TLK1: variants seen among roughly 807,000 people sequenced by gnomAD.
TLK1 encodes tousled like kinase 1.
Under a neutral mutation model 105.3 loss-of-function variants are expected in TLK1, and 24 were observed. That is an observed-to-expected ratio of 0.23 (90% CI 0.17 to 0.32). The LOEUF (loss-of-function observed/expected upper bound fraction) is 0.32, where lower values mean the gene tolerates loss of function less well. Among genes scored for constraint, TLK1 ranks in the 10% least tolerant of loss-of-function variants. TLK1 has a pLI of 1.00. For synonymous variants in TLK1, 321 were observed against 310.4 expected, an observed-to-expected ratio of 1.03 and a Z score of -0.36; for missense variants, 558 against 910.5, an observed-to-expected ratio of 0.61 and a Z score of 4.98.
At chr2:171,007,091 G>C in intron 14 of TLK1, 28 bp from the exon 15 acceptor site, 3 of 1,556,264 alleles carry the variant, frequency 1.9e-6, no homozygotes, top group Non-Finnish European at 1.7e-6. Flanking sequence ...AAACAATTAA[G>C]ATGAAAGACC....
chr2:171,097,370 T>C (rs952158626), intron 2 of TLK1, among the ~76,000 whole-genome samples: 8 of 152,114 alleles, frequency 5.3e-5, no homozygotes, highest in Admixed American at 1.3e-4. Flanking sequence ...TTTAAAATAT[T>C]AGAAGAAAAC....
In TLK1 at chr2:171,160,878, G is replaced by C. The variant is rs547368194; in HGVS notation, c.-450C>G. On this transcript the variant is annotated 5_prime_UTR_variant, in exon 1 of 21. Transcript: ENST00000431350. This position sits in a 1 kb window ranked among gnomAD's most constrained non-coding sequence, Gnocchi z 4.4. ...CGGGCTGTGGGTGGCGGCTGAGGCG[G>C]TGGGGTAACCTCTGCATCAGTTACA... The C allele has an allele frequency of 3.4e-6, 1 of 295,772 alleles. No homozygotes were observed. The highest frequency in any genetic ancestry group is 5.2e-5 in the Admixed American group (1 of 19,174). 18.3% of individuals were successfully genotyped at this position (295,772 alleles called of 1,614,324 possible). A position where few individuals can be genotyped will look rare whatever the true frequency, so the allele number is the denominator to read the frequency against.
chr2:170,991,458 A>C lies in TLK1; in HGVS notation c.*2322T>G, dbSNP rs150202548. On this transcript the variant is annotated 3_prime_UTR_variant, in exon 21 of 21. Transcript: ENST00000431350. ...GTCACTGGCATGTTATTCAAAATCT[A>C]TAACATTTCTTTGGGAAACTTTTAG... 1 of 152,212 alleles carries C rather than the reference A, an allele frequency of 6.6e-6. No homozygotes were observed. The highest frequency in any genetic ancestry group is 2.1e-4 in the South Asian group (1 of 4,834). 9.4% of individuals were successfully genotyped at this position (152,212 alleles called of 1,614,324 possible).
intron 1 of TLK1, among the ~76,000 whole-genome samples, chr2:171,174,109 A>C (rs1178208314): frequency 6.6e-6 from 1 of 152,120 alleles, no homozygotes; most frequent in Non-Finnish European, 1.5e-5. Flanking sequence ...TCTTTCTAGC[A>C]CTATGTGATT....
chr2:171,005,723 A>G (rs944861731), intron 18 of TLK1, among the ~76,000 whole-genome samples: 1 of 152,234 alleles, frequency 6.6e-6, no homozygotes, highest in Non-Finnish European at 1.5e-5. Flanking sequence ...GTCTCAAAAT[A>G]AAATGAAAAT....
intron 14 of TLK1, among the ~76,000 whole-genome samples, chr2:171,008,957 C>A (rs1379821520): frequency 2.0e-5 from 3 of 152,164 alleles, no homozygotes; most frequent in Non-Finnish European, 2.9e-5. Context: ...ATGCTAACTG[C>A]ACTTTTAGTG....
intron 1 of TLK1, among the ~76,000 whole-genome samples, chr2:171,153,479 CAA>C (rs1692120857): frequency 6.6e-6 from 1 of 152,218 alleles, no homozygotes; most frequent in African/African-American, 2.4e-5. Context: ...AGTCCTTTGA[CAA>C]AACTTTTAGT....
intron 1 of TLK1, among the ~76,000 whole-genome samples, chr2:171,148,251 T>C (rs1691872484): frequency 6.6e-6 from 1 of 152,140 alleles, no homozygotes; most frequent in Admixed American, 6.5e-5. Flanking sequence ...TTGTGTTTTT[T>C]TGTGTGTTCT....
chr2:171,175,837 C>A (rs758553230), intron 1 of TLK1, among the ~76,000 whole-genome samples: 5 of 152,162 alleles, frequency 3.3e-5, no homozygotes, highest in Non-Finnish European at 7.3e-5. Flanking sequence ...ATTAGAATCA[C>A]CTGAGAAACT....
chr2:171,070,978 G>A (rs892798807), intron 3 of TLK1, among the ~76,000 whole-genome samples: 2 of 152,170 alleles, frequency 1.3e-5, no homozygotes, highest in Non-Finnish European at 1.5e-5. Flanking sequence ...ACTGGGGTGA[G>A]ATGATATCTC....
At chr2:171,136,095 AC>A (rs2105567002) in intron 1 of TLK1, among the ~76,000 whole-genome samples, 1 of 152,360 alleles carries the variant, frequency 6.6e-6, no homozygotes, top group South Asian at 2.1e-4. Context: ...GAATGGATAA[AC>A]AAAATGTGGT....
At chr2:171,070,966 TAA>T (rs575722067) in intron 3 of TLK1, among the ~76,000 whole-genome samples, 218 of 152,326 alleles carry the variant, frequency 1.4e-3, no homozygotes, top group African/African-American at 4.7e-3. Flanking sequence ...AAAGCCATTT[TAA>T]CTGGGGTGAG....
At position 171,027,622 on chromosome 2, in the gene TLK1, TAA is replaced by T. The variant is rs372282394; in HGVS notation, c.1236+715_1236+716del. On this transcript the variant is annotated intron_variant, in intron 12 of 20. Transcript: ENST00000431350. ...CAAATTAAAAGATAAGCCAAAGAAA[TAA>T]GTTTGCTATTTATTTACAATTGCTA... Among the ~76,000 whole-genome samples the T allele has an allele frequency of 6.9e-3, 1,048 of 152,256 alleles. 13 individuals are homozygous for T. Among genetic ancestry groups the T allele is most frequent in the African/African-American group, 0.023 (960 of 41,550 alleles).
chr2:171,109,469 A>T (rs1040490840), intron 2 of TLK1, among the ~76,000 whole-genome samples: 2 of 152,232 alleles, frequency 1.3e-5, no homozygotes, highest in African/African-American at 4.8e-5. Context: ...AAGAAACAAG[A>T]AAAGTTAAAA....
At chr2:171,167,932 G>A (rs779422135) in intron 1 of TLK1, among the ~76,000 whole-genome samples, 1 of 151,746 alleles carries the variant, frequency 6.6e-6, no homozygotes, top group South Asian at 2.1e-4. Flanking sequence ...AACAAAGCAG[G>A]CAACTTTGAA....
At chr2:171,003,874 C>T (rs1221395424) in intron 18 of TLK1, among the ~76,000 whole-genome samples, 1 of 152,192 alleles carries the variant, frequency 6.6e-6, no homozygotes, top group African/African-American at 2.4e-5. Context: ...GATTTGTGTA[C>T]ATTTTATGGC....
chr2:171,089,852 A>C (rs1689151445), intron 2 of TLK1, among the ~76,000 whole-genome samples: 1 of 152,090 alleles, frequency 6.6e-6, no homozygotes, highest in African/African-American at 2.4e-5. Flanking sequence ...TTTTATCAAT[A>C]ATACCACAAA....
chr2:171,003,057 GA>G (rs1033280521), intron 18 of TLK1, among the ~76,000 whole-genome samples: 73 of 152,000 alleles, frequency 4.8e-4, no homozygotes, highest in African/African-American at 1.7e-3. Flanking sequence ...GGTGGATCAT[GA>G]GGTCAGGAGA....
rs747318367 is a variant in TLK1, at chr2:171,053,845, G to T, written c.648C>A (p.Leu216=). The T allele has an allele frequency of 1.9e-6, 3 of 1,603,432 alleles. No homozygotes were observed. The highest frequency in any genetic ancestry group is 1.1e-5 in the South Asian group (1 of 89,506). The change falls in exon 8 of 21, where the codon CTC becomes CTA. Residue 216 remains leucine (L), a synonymous_variant. Coordinates refer to ENST00000431350, the MANE Select transcript of TLK1 (RefSeq NM_012290.5). The part of the protein sequence containing the change: ...QLSFKIIQTD[L]TMLKLAALES... Reference sequence around the variant, plus strand: ...CTAATGCTGCTAATTTCAGCATTGTGAGATCAGTCTAAATGAAAAAAAGTT... The same window carrying T: ...CTAATGCTGCTAATTTCAGCATTGTTAGATCAGTCTAAATGAAAAAAAGTT...
Sources: allele counts gnomAD v4.1 joint callset (sites outside exome capture counted in the v4.1 genomes callset), GRCh38; gene constraint gnomAD v4.1.1; non-coding constraint Gnocchi (gnomAD v3.1); transcripts MANE v1.5; gene names NCBI Gene and HGNC (gene_info 2026-07-23, HGNC 2026-07-21).